Variants in STK39 observed in about 807,000 individuals in gnomAD.
The protein encoded by STK39 is serine/threonine kinase 39, also known as STE20/SPS1-related proline-alanine-rich protein kinase.
In STK39, 20 loss-of-function variants were observed where a neutral mutation model predicts 77.8. The ratio of observed to expected loss-of-function variants is 0.26; its 90% CI spans 0.18 to 0.37. The LOEUF is 0.37. Among genes scored for constraint, STK39 ranks in the 10% least tolerant of loss-of-function variants. The pLI, the probability that STK39 is intolerant of heterozygous loss-of-function variation, is 1.00. For missense variants in STK39, 479 were observed against 656.5 expected (o/e 0.73, Z 2.95); for synonymous variants, 246 against 234.1 (o/e 1.05, Z -0.47).
chr2:168,042,123 A>G (rs752168899), intron 14 of STK39, among the ~76,000 whole-genome samples: 46 of 152,224 alleles, frequency 3.0e-4, no homozygotes, highest in Admixed American at 6.5e-5. Context: ...TTGTAATTAT[A>G]TCACTCTGGG....
intron 1 of STK39, among the ~76,000 whole-genome samples, chr2:168,188,850 A>G (rs1689271081): frequency 6.6e-6 from 1 of 152,194 alleles, no homozygotes; most frequent in African/African-American, 2.4e-5. Flanking sequence ...CCTACGCATT[A>G]ATTTATAAAA....
chr2:168,032,110 T>C (rs1245651305), intron 14 of STK39, among the ~76,000 whole-genome samples: 3 of 152,218 alleles, frequency 2.0e-5, no homozygotes, highest in Non-Finnish European at 4.4e-5. Flanking sequence ...TGCTTATTCA[T>C]GAAATATAGT....
intron 14 of STK39, among the ~76,000 whole-genome samples, chr2:168,043,074 C>T (rs939675745): frequency 6.6e-6 from 1 of 152,124 alleles, no homozygotes; most frequent in Admixed American, 6.6e-5. Context: ...TCTACCTGGC[C>T]CCTCCGTCCC....
rs753329037 is a variant in STK39 at position 168,075,008 on chromosome 2, G to C, written c.1216C>G (p.Arg406Gly). 1 of 1,613,646 alleles carries C rather than the reference G, an allele frequency of 6.2e-7. No individual in the cohort carries two copies. The highest frequency in any genetic ancestry group is 1.3e-5 in the African/African-American group (1 of 74,966). The change falls in exon 12 of 18, where the codon CGA becomes GGA. Residue 406 changes from arginine to glycine, a missense_variant. Around this residue, in one of 3 missense-constraint regions of STK39, gnomAD observed 244 missense variants for 296.8 expected, o/e 0.82. Transcript: ENST00000355999. The part of the protein sequence containing the change: ...GKAAFSQEKS[R>G]RVKEENPEIA... ...TCTGGATTTTCTTCTTTTACTCTTC[G>C]TGACTGTAAAACAATTATGTATCCA...
chr2:168,146,349 T>C (rs1688139280), intron 5 of STK39, among the ~76,000 whole-genome samples: 2 of 152,264 alleles, frequency 1.3e-5, no homozygotes, highest in Admixed American at 1.3e-4. Flanking sequence ...CAGTATCTGC[T>C]ATTCTCTTTG....
chr2:168,061,818 T>C (rs1047100730), intron 14 of STK39, among the ~76,000 whole-genome samples: 8 of 152,220 alleles, frequency 5.3e-5, no homozygotes, highest in Non-Finnish European at 5.9e-5. Flanking sequence ...ATTTGTCATA[T>C]TGCTCTAGCA....
chr2:168,076,820 C>T (rs1329025458), intron 10 of STK39, among the ~76,000 whole-genome samples: 2 of 152,040 alleles, frequency 1.3e-5, no homozygotes, highest in African/African-American at 2.4e-5. Flanking sequence ...TTTTGAGTTG[C>T]TCTAAAAGTC....
intron 1 of STK39, among the ~76,000 whole-genome samples, chr2:168,196,548 C>T (rs1158752032): frequency 1.3e-5 from 2 of 152,090 alleles, no homozygotes; most frequent in Admixed American, 6.5e-5. Flanking sequence ...CCCAGCTACT[C>T]GGGAGGCTGA....
chr2:167,996,147 A>C (rs1018912961), intron 16 of STK39, among the ~76,000 whole-genome samples: 1 of 152,220 alleles, frequency 6.6e-6, no homozygotes, highest in African/African-American at 2.4e-5. Flanking sequence ...AGGGAAAAAT[A>C]AAACTGTGAT....
intron 1 of STK39, among the ~76,000 whole-genome samples, chr2:168,234,283 G>A (rs1236625916): frequency 6.6e-6 from 1 of 152,232 alleles, no homozygotes; most frequent in African/African-American, 2.4e-5. Context: ...TAGCCTGTAA[G>A]GCAGTCGTAG....
At chr2:168,161,100 C>A (rs1688559779) in intron 5 of STK39, among the ~76,000 whole-genome samples, 1 of 152,186 alleles carries the variant, frequency 6.6e-6, no homozygotes, top group South Asian at 2.1e-4. Flanking sequence ...GCCAAGAACA[C>A]TCCCCCAAGA....
chr2:168,147,306 C>T (rs1260047127), intron 5 of STK39, among the ~76,000 whole-genome samples: 6 of 152,142 alleles, frequency 3.9e-5, no homozygotes, highest in East Asian at 3.9e-4. Flanking sequence ...TTCTTCTAAA[C>T]ACCCGGGAAC....
chr2:168,116,625 A>G (rs942357433), intron 10 of STK39, among the ~76,000 whole-genome samples: 3 of 152,194 alleles, frequency 2.0e-5, no homozygotes, highest in African/African-American at 4.8e-5. Context: ...TGTCTCAAAC[A>G]TATGTACCAC....
At chr2:168,090,660 A>G (rs959068226) in intron 10 of STK39, among the ~76,000 whole-genome samples, 3 of 152,196 alleles carry the variant, frequency 2.0e-5, no homozygotes, top group African/African-American at 7.2e-5. Context: ...TCAAATAAAT[A>G]CCCTAGGCTA....
rs114113061 is a variant in STK39 at position 167,972,348 on chromosome 2, C to T, written c.1499-7622G>A. On this transcript the variant is annotated intron_variant, in intron 16 of 17. Transcript: ENST00000355999. ...ATTTTGTGTGTCTTTCTGCATTGTT[C>T]TGCCATAAAGAGGGGTATCTTAGGA... Among the ~76,000 whole-genome samples the T allele has an allele frequency of 9.4e-3, 1,431 of 152,246 alleles. 22 individuals carry two copies. The highest frequency in any genetic ancestry group is 0.033 in the African/African-American group (1,359 of 41,544).
At chr2:168,199,178 A>G (rs1210425748) in intron 1 of STK39, among the ~76,000 whole-genome samples, 1 of 152,208 alleles carries the variant, frequency 6.6e-6, no homozygotes, top group African/African-American at 2.4e-5. Context: ...GGTGGACATG[A>G]GTTAAAACCA....
chr2:168,091,972 G>A (rs551497085), intron 10 of STK39, among the ~76,000 whole-genome samples: 7 of 152,164 alleles, frequency 4.6e-5, no homozygotes, highest in South Asian at 2.1e-4. Flanking sequence ...ATCAGTCTAC[G>A]TTCAATTTTG....
intron 10 of STK39, among the ~76,000 whole-genome samples, chr2:168,122,862 T>A (rs1687444655): frequency 6.6e-6 from 1 of 152,218 alleles, no homozygotes; most frequent in African/African-American, 2.4e-5. Context: ...GATTAATGAT[T>A]CAATACAGTA....
At chr2:168,077,927 A>G (rs1399338521) in intron 10 of STK39, among the ~76,000 whole-genome samples, 1 of 151,990 alleles carries the variant, frequency 6.6e-6, no homozygotes, top group Non-Finnish European at 1.5e-5. Flanking sequence ...AAGTGCAGAA[A>G]AGCTTCCATC....
Sources: allele counts gnomAD v4.1 joint callset (sites outside exome capture counted in the v4.1 genomes callset), GRCh38; gene constraint gnomAD v4.1.1; regional missense constraint gnomAD v4.1.1; transcripts MANE v1.5; gene names NCBI Gene and HGNC (gene_info 2026-07-23, HGNC 2026-07-21).